The following ZC2HC1B variants were observed in gnomAD, a reference collection of about 807,000 sequenced individuals.
ZC2HC1B encodes zinc finger C2HC domain-containing protein 1B.
Under a neutral mutation model 31.0 loss-of-function variants are expected in ZC2HC1B, and 36 were observed. The ratio of observed to expected loss-of-function variants is 1.16; its 90% CI spans 0.89 to 1.54. The LOEUF is 1.54. ZC2HC1B is among the 40% of genes most tolerant of loss of function. ZC2HC1B has a pLI of 0.00. For synonymous variants in ZC2HC1B, 73 were observed against 88.0 expected (o/e 0.83, Z 0.95); for missense variants, 260 against 268.6 (o/e 0.97, Z 0.22).
rs1422043481 is a variant in ZC2HC1B, at chr6:143,911,236, G to GC, written c.598+8085dup. Among the ~76,000 whole-genome samples the GC allele has an allele frequency of 9.2e-5, 14 of 152,182 alleles. No individual in the cohort carries two copies. Among genetic ancestry groups the GC allele is most frequent in the African/African-American group, 2.9e-4 (12 of 41,444 alleles). On this transcript the variant is annotated intron_variant, in intron 6 of 7. Transcript: ENST00000237275. The surrounding 1 kb of genome is among the most constrained non-coding windows in gnomAD (Gnocchi z 4.5). ...TGGGTCCTGGTTCTTTATCCAGTTT[G>GC]CTGCTCTATATCTTTTAATTGGGGC...
At position 143,908,714 on chromosome 6, in the gene ZC2HC1B, A is replaced by T. The variant is rs768990025; in HGVS notation, c.598+5562A>T. On this transcript the variant is annotated intron_variant, in intron 6 of 7. Transcript: ENST00000237275. The surrounding 1 kb of genome is among the most constrained non-coding windows in gnomAD (Gnocchi z 4.4). ...GGTTTTCTAGATATAGGATCCTGTC[A>T]TCTGCAAACAAAGATAGTTTGACTT... 6.6e-6 allele frequency among the ~76,000 whole-genome samples: 1 copy of T among 152,318 alleles called. No individual in the cohort carries two copies. Among genetic ancestry groups the T allele is most frequent in the African/African-American group, 2.4e-5 (1 of 41,576 alleles).
In ZC2HC1B at chr6:143,883,757, C is replaced by A. The variant is rs1777498519; in HGVS notation, c.29-547C>A. 6.6e-6 allele frequency among the ~76,000 whole-genome samples: 1 copy of A among 152,208 alleles called. No homozygotes were observed. Among genetic ancestry groups the A allele is most frequent in the African/African-American group, 2.4e-5 (1 of 41,454 alleles). On this transcript the variant is annotated intron_variant, in intron 1 of 7. Transcript: ENST00000237275. This position sits in a 1 kb window ranked among gnomAD's most constrained non-coding sequence, Gnocchi z 4.1. ...TGTATGATTTCTCCCAATATTTCCA[C>A]AGAATTGCATATAGCCAATATCTAT...
At chr6:143,927,269 C>G (rs1268465021) in intron 6 of ZC2HC1B, among the ~76,000 whole-genome samples, 1 of 151,854 alleles carries the variant, frequency 6.6e-6, no homozygotes, top group Non-Finnish European at 1.5e-5. Flanking sequence ...TTTATTGTAC[C>G]CATTAGGTAA....
Position 143,933,123 on chromosome 6 carries a change from A to G in ZC2HC1B, c.599-4526A>G, listed in dbSNP as rs538097540. On this transcript the variant is annotated intron_variant, in intron 6 of 7. Coordinates refer to ENST00000237275, the MANE Select transcript of ZC2HC1B (RefSeq NM_001013623.3). The surrounding 1 kb of genome is among the most constrained non-coding windows in gnomAD (Gnocchi z 6.4). Reference sequence around the variant, plus strand: ...GTGTTGTCTTTCTTGAATGCTGGTTATGCTAGCAGCGAAGTTGTCATGTGG... The same window carrying G: ...GTGTTGTCTTTCTTGAATGCTGGTTGTGCTAGCAGCGAAGTTGTCATGTGG... 1.3e-5 allele frequency among the ~76,000 whole-genome samples: 2 copies of G among 152,272 alleles called. No homozygotes were observed. The highest frequency in any genetic ancestry group is 4.1e-4 in the South Asian group (2 of 4,824).
In ZC2HC1B at chr6:143,871,292, A is replaced by G. The variant is rs770586763; in HGVS notation, c.28+6725A>G. Among the ~76,000 whole-genome samples, 5 of 152,010 alleles carry G rather than the reference A, an allele frequency of 3.3e-5. No individual in the cohort carries two copies. Among genetic ancestry groups the G allele is most frequent in the Non-Finnish European group, 7.4e-5 (5 of 67,856 alleles). On this transcript the variant is annotated intron_variant, in intron 1 of 7. Coordinates refer to ENST00000237275, the MANE Select transcript of ZC2HC1B (RefSeq NM_001013623.3). This position sits in a 1 kb window ranked among gnomAD's most constrained non-coding sequence, Gnocchi z 4.1. ...ACCAGTGTGATACCTTGTGGAAGCA[A>G]AAAGTGATCAAGGTCTCTCTGAATA...
At chr6:143,866,858 G>A (rs1429013905) in intron 1 of ZC2HC1B, among the ~76,000 whole-genome samples, 3 of 152,022 alleles carry the variant, frequency 2.0e-5, no homozygotes, top group Non-Finnish European at 4.4e-5. Flanking sequence ...TTAAGAAATA[G>A]AACATAGAAG....
At position 143,898,918 on chromosome 6, in the gene ZC2HC1B, G is replaced by A. The variant is rs1235305670; in HGVS notation, c.489+227G>A. Among the ~76,000 whole-genome samples the A allele has an allele frequency of 2.0e-5, 3 of 152,214 alleles. No homozygotes were observed. The East Asian group carries it at 5.8e-4, about 29-fold the overall frequency. On this transcript the variant is annotated intron_variant, in intron 5 of 7. Coordinates refer to ENST00000237275, the MANE Select transcript of ZC2HC1B (RefSeq NM_001013623.3). ...AAAAAATATTTCTAAAGTATTTGAA[G>A]CTTCTTTGGGTGAAGACTTGAATAC...
chr6:143,906,961 G>A (rs1777802758), intron 6 of ZC2HC1B, among the ~76,000 whole-genome samples: 1 of 152,058 alleles, frequency 6.6e-6, no homozygotes, highest in Non-Finnish European at 1.5e-5. Flanking sequence ...GCCCCATTGT[G>A]TGTTGTTCTC....
At chr6:143,932,376 T>C (rs1778130650) in intron 6 of ZC2HC1B, among the ~76,000 whole-genome samples, 1 of 152,238 alleles carries the variant, frequency 6.6e-6, no homozygotes. Context: ...TTTGTCTTTG[T>C]CTCATTGGGT....
chr6:143,900,404 A>C (rs991489153), intron 5 of ZC2HC1B, among the ~76,000 whole-genome samples: 1 of 151,712 alleles, frequency 6.6e-6, no homozygotes, highest in Non-Finnish European at 1.5e-5. Flanking sequence ...AAAAAAAAAA[A>C]AGAAAAAGAA....
intron 4 of ZC2HC1B, among the ~76,000 whole-genome samples, chr6:143,896,504 T>C (rs1031088846): frequency 6.6e-6 from 1 of 152,248 alleles, no homozygotes; most frequent in Non-Finnish European, 1.5e-5. Flanking sequence ...ATAATGGCAC[T>C]TTCTATTGTA....
chr6:143,894,447 A>C (rs576835923), intron 4 of ZC2HC1B, among the ~76,000 whole-genome samples: 2 of 152,178 alleles, frequency 1.3e-5, no homozygotes, highest in Non-Finnish European at 2.9e-5. Flanking sequence ...TACATGTAAA[A>C]TAGGTGCATT....
At position 143,923,143 on chromosome 6, in the gene ZC2HC1B, C is replaced by T. The variant is rs1320876277; in HGVS notation, c.599-14506C>T. ...ACATTTTTTCCATATACCTGTTGTC[C>T]ATTTTTAAGTCCTTTTTTTTTTCCC... On this transcript the variant is annotated intron_variant, in intron 6 of 7. Transcript: ENST00000237275. The surrounding 1 kb of genome is among the most constrained non-coding windows in gnomAD (Gnocchi z 4.8). Among the ~76,000 whole-genome samples, 1 of 151,906 alleles carries T rather than the reference C, an allele frequency of 6.6e-6. No individual in the cohort carries two copies. Among genetic ancestry groups the T allele is most frequent in the Admixed American group, 6.6e-5 (1 of 15,248 alleles).
chr6:143,902,714 T>G (rs944107965), intron 5 of ZC2HC1B, among the ~76,000 whole-genome samples: 6 of 152,222 alleles, frequency 3.9e-5, no homozygotes, highest in African/African-American at 1.4e-4. Context: ...AAATGTTCTT[T>G]AAATATATCC....
chr6:143,897,314 C>A (rs1777679659), intron 4 of ZC2HC1B, among the ~76,000 whole-genome samples: 1 of 149,832 alleles, frequency 6.7e-6, no homozygotes. Flanking sequence ...ATCTAGTGTG[C>A]TATCCCTTTA....
Position 143,911,697 on chromosome 6 carries a change from A to G in ZC2HC1B, c.598+8545A>G, listed in dbSNP as rs955295360. ...TGGCCTTTCTCTCTGGCTGCCCTTA[A>G]CCATTTTTTCTTTCATTTCAATCTT... On this transcript the variant is annotated intron_variant, in intron 6 of 7. Transcript: ENST00000237275. The surrounding 1 kb of genome is among the most constrained non-coding windows in gnomAD (Gnocchi z 4.5). 2.0e-5 allele frequency among the ~76,000 whole-genome samples: 3 copies of G among 152,088 alleles called. No individual in the cohort carries two copies. The South Asian group carries it at 6.2e-4, about 32-fold the overall frequency.
At position 143,870,212 on chromosome 6, in the gene ZC2HC1B, A is replaced by G. The variant is rs1412646685; in HGVS notation, c.28+5645A>G. ...AGTGCACAAGCAAGTGCACTGTTCA[A>G]AGTTCTGCCCACTGGGAAAATTTTC... On this transcript the variant is annotated intron_variant, in intron 1 of 7. Coordinates refer to ENST00000237275, the MANE Select transcript of ZC2HC1B (RefSeq NM_001013623.3). The surrounding 1 kb of genome is among the most constrained non-coding windows in gnomAD (Gnocchi z 4.7). Among the ~76,000 whole-genome samples, 1 of 152,168 alleles carries G rather than the reference A, an allele frequency of 6.6e-6. No individual in the cohort carries two copies. Among genetic ancestry groups the G allele is most frequent in the Non-Finnish European group, 1.5e-5 (1 of 68,036 alleles).
rs1777849838 is a variant in ZC2HC1B, at chr6:143,911,067, A to T, written c.598+7915A>T. Among the ~76,000 whole-genome samples the T allele has an allele frequency of 6.6e-6, 1 of 152,118 alleles. No individual in the cohort carries two copies. The highest frequency in any genetic ancestry group is 1.5e-5 in the Non-Finnish European group (1 of 68,016). On this transcript the variant is annotated intron_variant, in intron 6 of 7. Transcript: ENST00000237275. This position sits in a 1 kb window ranked among gnomAD's most constrained non-coding sequence, Gnocchi z 4.5. ...TGCGCCCAGCCCTTTGTTGGTTTAA[A>T]GCCTGTTTTGTCAGAAACTAGGATT... is the stretch of plus-strand genomic sequence containing the variant.
Position 143,879,033 on chromosome 6 carries a change from C to T in ZC2HC1B, c.29-5271C>T, listed in dbSNP as rs144694766. Among the ~76,000 whole-genome samples, 786 of 152,224 alleles carry T rather than the reference C, an allele frequency of 5.2e-3. 6 individuals carry two copies. The highest frequency in any genetic ancestry group is 0.018 in the African/African-American group (749 of 41,532). The stretch of plus-strand genomic sequence containing the variant: ...TGTGGGGCAGGGGTTGGGGGCAGGG[C>T]GCGATCTAGGAATCTTAACTTCTTT... On this transcript the variant is annotated intron_variant, in intron 1 of 7. Coordinates refer to ENST00000237275, the MANE Select transcript of ZC2HC1B (RefSeq NM_001013623.3).
Sources: gnomAD v4.1 joint callset for allele counts (sites outside exome capture counted in the v4.1 genomes callset) on GRCh38, gnomAD v4.1.1 for gene constraint, Gnocchi (gnomAD v3.1) non-coding constraint, MANE v1.5 for transcripts, NCBI Gene and HGNC (gene_info 2026-07-23, HGNC 2026-07-21) for gene names.